Variants in PLD2 observed in about 807,000 individuals in gnomAD.
The protein encoded by PLD2 is choline phosphatase 2.
Under a neutral mutation model 119.8 loss-of-function variants are expected in PLD2, and 101 were observed. That is an observed-to-expected ratio of 0.84 (90% confidence interval 0.72 to 0.99). The LOEUF is 0.99. Ranked by LOEUF, PLD2 falls within the 50% of genes least tolerant of loss-of-function variation. PLD2 has a pLI of 0.00. For missense variants in PLD2, 1,164 were observed against 1,226.8 expected (o/e 0.95, Z 0.76); for synonymous variants, 494 against 482.8 (o/e 1.02, Z -0.30).
rs530281641 is a variant in PLD2 at position 4,814,362 on chromosome 17, T to TC, written c.1011-54dup. The stretch of plus-strand genomic sequence containing the variant: ...CACGACTGTCCTCCGGTCTTCACTC[T>TC]CCAGAGCTTTCTGGCTTCTGACTCC... On this transcript the variant is annotated intron_variant, in intron 10 of 24. Transcript: ENST00000263088. The TC allele has an allele frequency of 2.3e-4, 363 of 1,564,316 alleles. 1 individual carries two copies. Among genetic ancestry groups the TC allele is most frequent in the African/African-American group, 5.7e-4 (42 of 73,844 alleles).
Position 4,809,526 on chromosome 17 carries a change from A to G in PLD2, c.589A>G (p.Ile197Val). The change falls in exon 7 of 25, where the codon ATC becomes GTC. Residue 197 changes from isoleucine to valine, a missense_variant. Physicochemically the swap from Ile to Val is conservative, Grantham distance 29 (BLOSUM62 3). Coordinates refer to ENST00000263088, the MANE Select transcript of PLD2 (RefSeq NM_002663.5). ...EFLEVSQLSF[I>V]PDLGRKGLEG... The stretch of plus-strand genomic sequence containing the variant: ...CCTGGAAGTCAGTCAGCTGTCCTTT[A>G]TCCCGGACTTGGGCCGCAAAGGACT... 1.2e-6 allele frequency: 2 copies of G among 1,607,222 alleles called. No individual in the cohort carries two copies. Among genetic ancestry groups the G allele is most frequent in the East Asian group, 4.5e-5 (2 of 44,720 alleles).
At position 4,819,360 on chromosome 17, in the gene PLD2, T is replaced by C. The variant is rs1597336550; in HGVS notation, c.2309-69T>C. 8 of 1,604,814 alleles carry C rather than the reference T, an allele frequency of 5.0e-6. No individual in the cohort carries two copies. Among genetic ancestry groups the C allele is most frequent in the Admixed American group, 1.7e-5 (1 of 59,006 alleles). On this transcript the variant is annotated intron_variant, in intron 22 of 24. Coordinates refer to ENST00000263088, the MANE Select transcript of PLD2 (RefSeq NM_002663.5). The surrounding 1 kb of genome is among the most constrained non-coding windows in gnomAD (Gnocchi z 4.2). ...GGAATGTTGCAGGCCAGTGCTTTGGTAGAGGGGATGGGGTACTGGGGAGAG... is the reference window on the plus strand; with the variant it reads ...GGAATGTTGCAGGCCAGTGCTTTGGCAGAGGGGATGGGGTACTGGGGAGAG...
At chr17:4,814,300 TC>T in intron 10 of PLD2, 117 bp from the exon 11 acceptor site, 1 of 1,480,724 alleles carries the variant, frequency 6.8e-7, no homozygotes, top group East Asian at 2.5e-5. Context: ...TGTTCTCTGA[TC>T]ATTTCTGATC....
At chr17:4,810,071 GCCCA>G in intron 9 of PLD2, 42 bp downstream of exon 9, 1 of 1,599,640 alleles carries the variant, frequency 6.3e-7, no homozygotes, top group Non-Finnish European at 8.5e-7. Flanking sequence ...TGAGTGGTGA[GCCCA>G]CCCACGGCCT....
Position 4,822,872 on chromosome 17 carries a change from C to G in PLD2, c.*8C>G. 6.6e-7 allele frequency: 1 copy of G among 1,513,900 alleles called. No homozygotes were observed. The highest frequency in any genetic ancestry group is 9.2e-7 in the Non-Finnish European group (1 of 1,092,238). 93.8% of individuals were successfully genotyped at this position (1,513,900 alleles called of 1,614,324 possible). ...CTAGAAGTGTGGACATAGTTGAGGC[C>G]CCCGTCAGGGAGAGGTCACCAGCTG... On this transcript the variant is annotated 3_prime_UTR_variant, in exon 25 of 25. Coordinates refer to ENST00000263088, the MANE Select transcript of PLD2 (RefSeq NM_002663.5).
At chr17:4,809,226 C>G (rs1280314195) in intron 5 of PLD2, 21 bp downstream of exon 5, 1 of 1,612,752 alleles carries the variant, frequency 6.2e-7, no homozygotes, top group Non-Finnish European at 8.5e-7. Flanking sequence ...ATGCCAGGTC[C>G]TCCGGGAAGG....
rs1278500021 is a variant in PLD2 at position 4,822,971 on chromosome 17, A to C, written c.*107A>C. On this transcript the variant is annotated 3_prime_UTR_variant, in exon 25 of 25. Transcript: ENST00000263088. ...GGGCAGTGCCCTTTGAGATCTGGGG[A>C]GGCAGGCATTCCTGAAGGGAACTAG... 2.9e-5 allele frequency: 19 copies of C among 653,006 alleles called. No homozygotes were observed. Among genetic ancestry groups the C allele is most frequent in the Non-Finnish European group, 4.6e-5 (17 of 373,022 alleles). 40.5% of individuals were successfully genotyped at this position (653,006 alleles called of 1,614,324 possible).
chr17:4,809,725 C>T lies in PLD2; in HGVS notation c.649C>T (p.Arg217Cys), dbSNP rs572927123. 13 of 1,614,054 alleles carry T rather than the reference C, an allele frequency of 8.1e-6. No homozygotes were observed. Among genetic ancestry groups the T allele is most frequent in the South Asian group, 6.6e-5 (6 of 91,090 alleles). ...GMIRKRSGGH[R>C]VPGLTCCGRD... ...GATCCGGAAGCGCTCAGGTGGCCAC[C>T]GTGTTCCTGGCCTCACCTGCTGTGG... The change falls in exon 8 of 25, where the codon CGT becomes TGT. Residue 217 changes from arginine to cysteine, a missense_variant. Coordinates refer to ENST00000263088, the MANE Select transcript of PLD2 (RefSeq NM_002663.5).
At chr17:4,821,690 C>A in intron 23 of PLD2, 103 bp from the exon 24 acceptor site, 1 of 808,990 alleles carries the variant, frequency 1.2e-6, no homozygotes, top group Non-Finnish European at 2.1e-6. Context: ...CCACCGCACC[C>A]AGCCAATTTT....
In PLD2 at chr17:4,821,747, T is replaced by G. The variant is rs1907686799; in HGVS notation, c.2463-46T>G. Reference sequence around the variant, plus strand: ...TGTAACTTTTCTGGTACTCAGGTTCTCTAAGGATCTTAATCTGGCCCTGCT... The same window carrying G: ...TGTAACTTTTCTGGTACTCAGGTTCGCTAAGGATCTTAATCTGGCCCTGCT... On this transcript the variant is annotated intron_variant, in intron 23 of 24. Coordinates refer to ENST00000263088, the MANE Select transcript of PLD2 (RefSeq NM_002663.5). 2.2e-6 allele frequency: 3 copies of G among 1,373,146 alleles called. No homozygotes were observed. In the African/African-American group the frequency reaches 4.3e-5, roughly 20 times the overall value. The allele number at this position is 1,373,146 out of a possible 1,614,324, so 85.1% of individuals were successfully genotyped here.
rs1907372903 is a variant in PLD2 at position 4,819,185 on chromosome 17, G to T, written c.2275G>T (p.Val759Leu). The T allele has an allele frequency of 6.2e-7, 1 of 1,614,144 alleles. No individual in the cohort carries two copies. The highest frequency in any genetic ancestry group is 1.1e-5 in the South Asian group (1 of 91,080). ...VSELIYIHSK[V>L]LIADDRTVII... ...GGAGCTCATCTACATCCACAGCAAG[G>T]TGCTCATCGCAGATGACCGGACAGT... The change falls in exon 22 of 25, where the codon GTG (valine) becomes TTG (leucine). Residue 759 changes from valine (V) to leucine (L), a missense_variant. By Grantham distance (32) the Val-to-Leu change is conservative. Coordinates refer to ENST00000263088, the MANE Select transcript of PLD2 (RefSeq NM_002663.5). This position sits in a 1 kb window ranked among gnomAD's most constrained non-coding sequence, Gnocchi z 4.2.
In PLD2 at chr17:4,807,911, G is replaced by C. The variant is rs1811810621; in HGVS notation, c.109+30G>C. Reference sequence around the variant, plus strand: ...ACAGGGAAGATGGATGGCCCTCAGGGAGGAGAGGCGTTCGGGAGCCAGGGG... The same window carrying C: ...ACAGGGAAGATGGATGGCCCTCAGGCAGGAGAGGCGTTCGGGAGCCAGGGG... On this transcript the variant is annotated intron_variant, in intron 2 of 24. Transcript: ENST00000263088. This position sits in a 1 kb window ranked among gnomAD's most constrained non-coding sequence, Gnocchi z 5.4. 6.2e-7 allele frequency: 1 copy of C among 1,608,214 alleles called. No homozygotes were observed. Among genetic ancestry groups the C allele is most frequent in the Non-Finnish European group, 8.5e-7 (1 of 1,175,330 alleles).
intron 9 of PLD2, 45 bp downstream of exon 9, chr17:4,810,074 C>T: frequency 6.3e-7 from 1 of 1,594,588 alleles, no homozygotes; most frequent in East Asian, 2.2e-5. Context: ...GTGGTGAGCC[C>T]ACCCACGGCC....
Position 4,809,738 on chromosome 17 carries a change from T to G in PLD2, c.662T>G (p.Leu221Arg), listed in dbSNP as rs1191460915. Residue 221 changes from leucine (L) to arginine (R), a missense_variant, in exon 8 of 25, where the codon CTC becomes CGC. By Grantham distance (102) the Leu-to-Arg change is moderately radical. Coordinates refer to ENST00000263088, the MANE Select transcript of PLD2 (RefSeq NM_002663.5). Reference sequence around the variant, plus strand: ...TCAGGTGGCCACCGTGTTCCTGGCCTCACCTGCTGTGGCCGAGACCAAGTT... The same window carrying G: ...TCAGGTGGCCACCGTGTTCCTGGCCGCACCTGCTGTGGCCGAGACCAAGTT... ...KRSGGHRVPG[L>R]TCCGRDQVCY... is the part of the protein sequence containing the mutation. 21 of 1,614,186 alleles carry G rather than the reference T, an allele frequency of 1.3e-5. No homozygotes were observed. The East Asian group carries it at 4.7e-4, about 36-fold the overall frequency.
chr17:4,810,516 G>A (rs762491803), intron 9 of PLD2, among the ~76,000 whole-genome samples: 1 of 152,000 alleles, frequency 6.6e-6, no homozygotes, highest in Non-Finnish European at 1.5e-5. Flanking sequence ...GTGGTGGTGC[G>A]TGCCTGTAAT....
rs143880514 is a variant in PLD2, at chr17:4,821,680, C to T, written c.2463-113C>T. The T allele has an allele frequency of 6.7e-4, 475 of 711,384 alleles. 1 individual carries two copies. The highest frequency in any genetic ancestry group is 1.1e-3 in the Non-Finnish European group (441 of 400,956). 44.1% of individuals were successfully genotyped at this position (711,384 alleles called of 1,614,324 possible). A position where few individuals can be genotyped will look rare whatever the true frequency, so the allele number is the denominator to read the frequency against. On this transcript the variant is annotated intron_variant, in intron 23 of 24. Coordinates refer to ENST00000263088, the MANE Select transcript of PLD2 (RefSeq NM_002663.5). ...AAAGTGCTGGGAATACAGGCGTGAG[C>T]CACCGCACCCAGCCAATTTTGAATT...
intron 10 of PLD2, among the ~76,000 whole-genome samples, chr17:4,812,319 G>A (rs1454639510): frequency 1.6e-5 from 2 of 123,844 alleles, no homozygotes; most frequent in Non-Finnish European, 3.2e-5. Flanking sequence ...TTTTTGAGAT[G>A]GAGTCTGTCT....
intron 23 of PLD2, among the ~76,000 whole-genome samples, chr17:4,820,482 G>A (rs1907544589): frequency 1.4e-5 from 2 of 144,244 alleles, no homozygotes; most frequent in Non-Finnish European, 3.0e-5. Flanking sequence ...TGGCCAGGCT[G>A]ATCTTGAACT....
At chr17:4,809,628 C>A (rs949372293) in intron 7 of PLD2, 63 bp from the exon 8 acceptor site, 35 of 1,607,308 alleles carry the variant, frequency 2.2e-5, no homozygotes, top group Admixed American at 6.7e-5. Flanking sequence ...TTGGGGCAAG[C>A]AGTGCAGGGT....
Sources: allele counts gnomAD v4.1 joint callset (sites outside exome capture counted in the v4.1 genomes callset), GRCh38; gene constraint gnomAD v4.1.1; non-coding constraint Gnocchi (gnomAD v3.1); transcripts MANE v1.5; gene names NCBI Gene and HGNC (gene_info 2026-07-23, HGNC 2026-07-21).